RABGAP1L: variants seen among roughly 807,000 people sequenced by gnomAD.
The protein encoded by RABGAP1L is rab GTPase-activating protein 1-like.
A neutral mutation model predicts 137.7 loss-of-function variants in RABGAP1L; 63 were observed. The ratio of observed to expected loss-of-function variants is 0.46; its 90% confidence interval spans 0.37 to 0.56. RABGAP1L has a LOEUF of 0.56. Among genes scored for constraint, RABGAP1L ranks in the 20% least tolerant of loss-of-function variants. The pLI is 0.00. For missense variants in RABGAP1L, 1,095 were observed against 1,244.0 expected (o/e 0.88, Z 1.80); for synonymous variants, 431 against 433.7 (o/e 0.99, Z 0.08).
chr1:174,611,313 A>C (rs1671227533), intron 13 of RABGAP1L, among the ~76,000 whole-genome samples: 1 of 151,940 alleles, frequency 6.6e-6, no homozygotes, highest in African/African-American at 2.4e-5. Context: ...TAAATAGGGA[A>C]TCCTTTCCCC....
chr1:174,564,210 T>TC (rs952495625), intron 13 of RABGAP1L, among the ~76,000 whole-genome samples: 2 of 152,224 alleles, frequency 1.3e-5, no homozygotes, highest in African/African-American at 4.8e-5. Context: ...TCCTTATTTT[T>TC]CTTTTTGGAA....
chr1:174,196,802 A>G (rs988769409), intron 1 of RABGAP1L, among the ~76,000 whole-genome samples: 3 of 152,210 alleles, frequency 2.0e-5, no homozygotes, highest in African/African-American at 4.8e-5. Context: ...TTCTGAAGAA[A>G]TTGTGCATTC....
At chr1:174,736,291 T>G (rs1311398734) in intron 17 of RABGAP1L, among the ~76,000 whole-genome samples, 2 of 152,236 alleles carry the variant, frequency 1.3e-5, no homozygotes. Context: ...ACAGGCCCCA[T>G]GCAGTTCTGA....
chr1:174,918,766 G>A (rs1380563853), intron 19 of RABGAP1L, among the ~76,000 whole-genome samples: 2 of 151,082 alleles, frequency 1.3e-5, no homozygotes, highest in Non-Finnish European at 2.9e-5. Context: ...GACAGAGCAA[G>A]ATCTTTTTTC....
chr1:174,696,837 T>C (rs943517583), intron 15 of RABGAP1L, among the ~76,000 whole-genome samples: 5 of 152,256 alleles, frequency 3.3e-5, no homozygotes, highest in African/African-American at 1.2e-4. Flanking sequence ...GGTACTGTGA[T>C]TGCTCACCTG....
intron 1 of RABGAP1L, among the ~76,000 whole-genome samples, chr1:174,208,025 A>G (rs1300046029): frequency 1.3e-5 from 2 of 152,206 alleles, no homozygotes; most frequent in African/African-American, 2.4e-5. Context: ...ATATCTCTAC[A>G]TTAATTAGAT....
intron 19 of RABGAP1L, among the ~76,000 whole-genome samples, chr1:174,885,818 T>G (rs891102954): frequency 2.0e-5 from 3 of 151,880 alleles, no homozygotes; most frequent in Admixed American, 2.0e-4. Context: ...ATACAAAAAA[T>G]TAGCCGGGCA....
intron 13 of RABGAP1L, among the ~76,000 whole-genome samples, chr1:174,444,725 G>T (rs1377021650): frequency 6.6e-6 from 1 of 151,820 alleles, no homozygotes; most frequent in African/African-American, 2.4e-5. Context: ...CAGTTTGTTG[G>T]CATATATATT....
intron 18 of RABGAP1L, among the ~76,000 whole-genome samples, 172 bp from the exon 19 acceptor site, chr1:174,811,660 T>C (rs1325400853): frequency 6.6e-6 from 1 of 152,248 alleles, no homozygotes; most frequent in African/African-American, 2.4e-5. Flanking sequence ...TTTCAGCTTA[T>C]AGTAACATCA....
chr1:174,281,141 T>A (rs1273072887), intron 10 of RABGAP1L, among the ~76,000 whole-genome samples: 1 of 152,032 alleles, frequency 6.6e-6, no homozygotes, highest in Non-Finnish European at 1.5e-5. Context: ...AACAGCAAGA[T>A]TTACTGTGAA....
At chr1:174,310,442 T>C (rs12036687) in intron 11 of RABGAP1L, among the ~76,000 whole-genome samples, 1 of 152,298 alleles carries the variant, frequency 6.6e-6, no homozygotes, top group Non-Finnish European at 1.5e-5. Flanking sequence ...TTAGATGGAA[T>C]GTCTTATATA....
intron 18 of RABGAP1L, among the ~76,000 whole-genome samples, chr1:174,763,149 C>T (rs1685367253): frequency 6.6e-6 from 1 of 151,940 alleles, no homozygotes; most frequent in South Asian, 2.1e-4. Context: ...ATTAATTGCT[C>T]TTGTCCCCAG....
chr1:174,197,388 C>G (rs768902399), intron 1 of RABGAP1L, among the ~76,000 whole-genome samples: 1 of 141,030 alleles, frequency 7.1e-6, no homozygotes, highest in African/African-American at 2.7e-5. Context: ...CAGACTGATA[C>G]ACTGCCCGAT....
At chr1:174,948,184 C>T (rs1667168479) in intron 19 of RABGAP1L, among the ~76,000 whole-genome samples, 1 of 151,928 alleles carries the variant, frequency 6.6e-6, no homozygotes, top group South Asian at 2.1e-4. Flanking sequence ...AGCAGGATGA[C>T]TATAGTCAAT....
intron 1 of RABGAP1L, among the ~76,000 whole-genome samples, chr1:174,164,418 T>C (rs779004679): frequency 1.2e-4 from 18 of 152,152 alleles, no homozygotes; most frequent in Non-Finnish European, 1.9e-4. Flanking sequence ...TGACCCACAA[T>C]AAAAAATACA....
chr1:174,637,212 A>C (rs1209130422), intron 13 of RABGAP1L, among the ~76,000 whole-genome samples, 163 bp from the exon 14 acceptor site: 1 of 152,196 alleles, frequency 6.6e-6, no homozygotes, highest in Admixed American at 6.5e-5. Flanking sequence ...TGTTGGTAGC[A>C]CTTATCTTGG....
At chr1:174,714,411 C>CT (rs1173309158) in intron 17 of RABGAP1L, among the ~76,000 whole-genome samples, 1 of 152,084 alleles carries the variant, frequency 6.6e-6, no homozygotes, top group Non-Finnish European at 1.5e-5. Context: ...AGAGCTATGT[C>CT]TTTTTTGTGT....
intron 1 of RABGAP1L, among the ~76,000 whole-genome samples, chr1:174,169,413 A>G (rs1384212627): frequency 6.6e-6 from 1 of 151,560 alleles, no homozygotes; most frequent in Non-Finnish European, 1.5e-5. Flanking sequence ...TTTTAGTAGT[A>G]TTTTCACTAT....
At position 174,327,412 on chromosome 1, in the gene RABGAP1L, G is replaced by T. The variant is rs984173401; in HGVS notation, c.1465+22285G>T. On this transcript the variant is annotated intron_variant, in intron 11 of 25. Transcript: ENST00000681986. ...GAGCAATGGAGTTAGTGTTTTTTTT[G>T]AACAAAATTGTCAGCTTAAAATAAT... 4.6e-5 allele frequency among the ~76,000 whole-genome samples: 7 copies of T among 151,658 alleles called. No individual in the cohort carries two copies. The South Asian group carries it at 1.5e-3, about 32-fold the overall frequency.
Sources: gnomAD v4.1 joint callset for allele counts (sites outside exome capture counted in the v4.1 genomes callset) on GRCh38, gnomAD v4.1.1 for gene constraint, MANE v1.5 for transcripts, NCBI Gene and HGNC (gene_info 2026-07-23, HGNC 2026-07-21) for gene names.